SPARCL1: variants seen among roughly 807,000 people sequenced by gnomAD.
SPARCL1 encodes SPARC-like protein 1.
A neutral mutation model predicts 67.1 loss-of-function variants in SPARCL1; 52 were observed. That is an observed-to-expected ratio of 0.78 (90% CI 0.62 to 0.98). The LOEUF is 0.98. Among genes scored for constraint, SPARCL1 ranks in the 50% least tolerant of loss-of-function variants. SPARCL1 has a pLI of 0.00. For synonymous variants in SPARCL1, 226 were observed against 267.8 expected (o/e 0.84, Z 1.52); for missense variants, 717 against 782.4 (o/e 0.92, Z 1.00).
In SPARCL1 at chr4:87,507,463, T is replaced by A. The variant is rs199953285; in HGVS notation, c.-11-7878A>T. Among the ~76,000 whole-genome samples the A allele has an allele frequency of 1.8e-4, 27 of 148,192 alleles. No homozygotes were observed. The East Asian group carries it at 3.3e-3, about 18-fold the overall frequency. ...ACTTGCATCACTAATCCATTTTTTT[T>A]AAATTCATTCATTGAGTACTTACTA... On this transcript the variant is annotated intron_variant, in intron 1 of 10. Coordinates refer to ENST00000282470, the MANE Select transcript of SPARCL1 (RefSeq NM_004684.6).
chr4:87,499,209 G>C (rs1393611314), intron 2 of SPARCL1, among the ~76,000 whole-genome samples: 1 of 152,120 alleles, frequency 6.6e-6, no homozygotes, highest in African/African-American at 2.4e-5. Flanking sequence ...AATGTGATGA[G>C]CTTCCCTGGG....
intron 1 of SPARCL1, among the ~76,000 whole-genome samples, chr4:87,509,301 T>C (rs1383489979): frequency 6.6e-6 from 1 of 152,152 alleles, no homozygotes; most frequent in African/African-American, 2.4e-5. Context: ...AAGCACATTA[T>C]TGTAATCATT....
chr4:87,480,538 G>A lies in SPARCL1; in HGVS notation c.1669-18C>T, dbSNP rs1723776159. 1 of 1,599,882 alleles carries A rather than the reference G, an allele frequency of 6.3e-7. No individual in the cohort carries two copies. The highest frequency in any genetic ancestry group is 1.3e-5 in the African/African-American group (1 of 74,154). ...TTCTTGACCTGGGATTAGGAAGGCAGAAGACTGTCAGAGAATCAGACAAAT... is the reference window on the plus strand; with the variant it reads ...TTCTTGACCTGGGATTAGGAAGGCAAAAGACTGTCAGAGAATCAGACAAAT... On this transcript the variant is annotated intron_variant, in intron 8 of 10. Transcript: ENST00000282470.
chr4:87,501,506 T>G (rs939346327), intron 1 of SPARCL1, among the ~76,000 whole-genome samples: 21 of 151,650 alleles, frequency 1.4e-4, no homozygotes, highest in African/African-American at 4.6e-4. Flanking sequence ...TAGATTGGAG[T>G]ATTTTTTTCT....
intron 10 of SPARCL1, among the ~76,000 whole-genome samples, chr4:87,474,994 A>G (rs1051056511): frequency 2.0e-5 from 3 of 152,152 alleles, no homozygotes; most frequent in South Asian, 2.1e-4. Flanking sequence ...CGCCTGCCTC[A>G]GCCTCCCAAA....
At chr4:87,496,790 A>G (rs1470736037) in intron 2 of SPARCL1, among the ~76,000 whole-genome samples, 1 of 152,156 alleles carries the variant, frequency 6.6e-6, no homozygotes, top group Admixed American at 6.5e-5. Flanking sequence ...CTGAGATTCT[A>G]TTTGGATTAA....
chr4:87,479,224 C>T (rs2110211482), intron 10 of SPARCL1, among the ~76,000 whole-genome samples: 1 of 152,320 alleles, frequency 6.6e-6, no homozygotes, highest in African/African-American at 2.4e-5. Flanking sequence ...CCTTGCTACC[C>T]TTTGAAAACA....
intron 1 of SPARCL1, among the ~76,000 whole-genome samples, chr4:87,523,243 A>G (rs1350257171): frequency 7.1e-6 from 1 of 141,086 alleles, no homozygotes; most frequent in African/African-American, 2.8e-5. Flanking sequence ...CCTGGGTGAC[A>G]GAATGAGACT....
At chr4:87,526,164 T>G (rs1726033133) in intron 1 of SPARCL1, among the ~76,000 whole-genome samples, 1 of 152,208 alleles carries the variant, frequency 6.6e-6, no homozygotes, top group Non-Finnish European at 1.5e-5. Flanking sequence ...TAGAACACTT[T>G]CTTTGGTTTC....
chr4:87,486,316 G>T (rs771883831), intron 7 of SPARCL1, among the ~76,000 whole-genome samples: 1 of 151,952 alleles, frequency 6.6e-6, no homozygotes, highest in Non-Finnish European at 1.5e-5. Context: ...CCTTAATTTC[G>T]TTATTTACCC....
intron 1 of SPARCL1, among the ~76,000 whole-genome samples, chr4:87,523,617 C>T (rs556209823): frequency 7.9e-5 from 12 of 152,092 alleles, no homozygotes; most frequent in Admixed American, 4.6e-4. Context: ...ATAATTACAG[C>T]GTGGATCCAG....
At chr4:87,497,425 G>T (rs1258324114) in intron 2 of SPARCL1, among the ~76,000 whole-genome samples, 1 of 152,188 alleles carries the variant, frequency 6.6e-6, no homozygotes, top group East Asian at 1.9e-4. Context: ...TCCGCCTACT[G>T]CCCAAGCAGG....
At chr4:87,481,207 T>A (rs1246250459) in intron 8 of SPARCL1, among the ~76,000 whole-genome samples, 1 of 152,194 alleles carries the variant, frequency 6.6e-6, no homozygotes, top group Non-Finnish European at 1.5e-5. Flanking sequence ...GCGACCTTCC[T>A]GTGCTCCTAA....
chr4:87,476,702 G>A (rs1723599139), intron 10 of SPARCL1, among the ~76,000 whole-genome samples: 1 of 152,136 alleles, frequency 6.6e-6, no homozygotes, highest in Non-Finnish European at 1.5e-5. Flanking sequence ...TCCTGCACCT[G>A]TTACCTGAAC....
At chr4:87,520,171 C>T (rs751078722) in intron 1 of SPARCL1, among the ~76,000 whole-genome samples, 27 of 140,300 alleles carry the variant, frequency 1.9e-4, no homozygotes, top group Non-Finnish European at 3.0e-4. Context: ...GCTGGGTAGG[C>T]GGAGGTTGCA....
At chr4:87,507,585 A>G (rs1725150209) in intron 1 of SPARCL1, among the ~76,000 whole-genome samples, 1 of 152,206 alleles carries the variant, frequency 6.6e-6, no homozygotes. Context: ...ACACCACGCT[A>G]CAATCAACAC....
chr4:87,507,434 C>T (rs1725128078), intron 1 of SPARCL1, among the ~76,000 whole-genome samples: 1 of 148,668 alleles, frequency 6.7e-6, no homozygotes, highest in Non-Finnish European at 1.5e-5. Context: ...TCCAGTTGGC[C>T]AGAACTTGCA....
chr4:87,483,804 G>T (rs1275139830), intron 7 of SPARCL1, among the ~76,000 whole-genome samples: 1 of 152,140 alleles, frequency 6.6e-6, no homozygotes, highest in East Asian at 1.9e-4. Context: ...GTATCTCATT[G>T]TGGTTTTGAT....
At chr4:87,525,180 A>G (rs1725989740) in intron 1 of SPARCL1, among the ~76,000 whole-genome samples, 1 of 151,530 alleles carries the variant, frequency 6.6e-6, no homozygotes, top group African/African-American at 2.4e-5. Context: ...AAAAAAATAC[A>G]ATGATCTTAT....
Sources: gnomAD v4.1 joint callset for allele counts (sites outside exome capture counted in the v4.1 genomes callset) on GRCh38, gnomAD v4.1.1 for gene constraint, MANE v1.5 for transcripts, NCBI Gene and HGNC (gene_info 2026-07-23, HGNC 2026-07-21) for gene names.